NUFIP1: variants seen among roughly 807,000 people sequenced by gnomAD.
NUFIP1 encodes FMR1-interacting protein NUFIP1.
A neutral mutation model predicts 56.2 loss-of-function variants in NUFIP1; 38 were observed. The observed-to-expected ratio is 0.68, with a 90% confidence interval of 0.52 to 0.89. The LOEUF is 0.89. NUFIP1 is among the 40% of genes least tolerant of loss of function. The pLI is 0.00. For synonymous variants in NUFIP1, 215 were observed against 212.4 expected (o/e 1.01, Z -0.10); for missense variants, 567 against 605.8 (o/e 0.94, Z 0.67).
chr13:44,984,514 T>C lies in NUFIP1; in HGVS notation c.413-2360A>G, dbSNP rs60656197. On this transcript the variant is annotated intron_variant, in intron 1 of 9. Coordinates refer to ENST00000379161, the MANE Select transcript of NUFIP1 (RefSeq NM_012345.3). ...AAAATTAGCCAGGTGTGGTAGTGCG[T>C]GCCTGTAGTCCCAGCTACTCAGGAG... 8.0e-3 allele frequency among the ~76,000 whole-genome samples: 1,213 copies of C among 152,180 alleles called. 15 individuals are homozygous for C. The highest frequency in any genetic ancestry group is 0.028 in the African/African-American group (1,145 of 41,506).
At chr13:44,945,837 A>T (rs1405783703) in intron 8 of NUFIP1, among the ~76,000 whole-genome samples, 1 of 152,140 alleles carries the variant, frequency 6.6e-6, no homozygotes, top group Non-Finnish European at 1.5e-5. Flanking sequence ...ATTCTATTCT[A>T]GAAGTTGGGA....
At chr13:44,980,956 T>G (rs1872168579) in intron 2 of NUFIP1, 136 bp from the exon 3 acceptor site, 1 of 565,644 alleles carries the variant, frequency 1.8e-6, no homozygotes, top group Non-Finnish European at 3.1e-6. Flanking sequence ...CTTGTGAGTA[T>G]ATTTCCAATG....
At chr13:44,964,169 C>T (rs1871516433) in intron 6 of NUFIP1, among the ~76,000 whole-genome samples, 3 of 152,156 alleles carry the variant, frequency 2.0e-5, no homozygotes, top group African/African-American at 7.2e-5. Context: ...TTATGATCTC[C>T]AAGTAAGCAA....
chr13:44,971,635 G>A (rs1173298284), intron 5 of NUFIP1, among the ~76,000 whole-genome samples: 1 of 152,076 alleles, frequency 6.6e-6, no homozygotes, highest in African/African-American at 2.4e-5. Context: ...TGCCACTGAA[G>A]GTGGTCAAGC....
At chr13:44,983,396 C>T (rs544547831) in intron 1 of NUFIP1, among the ~76,000 whole-genome samples, 1 of 151,964 alleles carries the variant, frequency 6.6e-6, no homozygotes, top group Non-Finnish European at 1.5e-5. Context: ...AGGCTGGTCT[C>T]GAACTCCTGA....
intron 7 of NUFIP1, among the ~76,000 whole-genome samples, chr13:44,957,141 C>G (rs1023532834): frequency 1.3e-5 from 2 of 152,098 alleles, no homozygotes; most frequent in Non-Finnish European, 2.9e-5. Flanking sequence ...TAGGCATGTT[C>G]CCATCCTTGA....
At chr13:44,941,411 AAAG>A (rs1190985892) in intron 9 of NUFIP1, 89 bp from the exon 10 acceptor site, 1 of 701,892 alleles carries the variant, frequency 1.4e-6, no homozygotes, top group African/African-American at 1.8e-5. Context: ...CTCACCATAT[AAAG>A]AAGACAGAAC....
Position 44,941,331 on chromosome 13 carries a change from C to G in NUFIP1, c.1372-9G>C, listed in dbSNP as rs773510321. The G allele has an allele frequency of 1.3e-6, 2 of 1,547,206 alleles. No homozygotes were observed. On this transcript the variant is annotated splice_polypyrimidine_tract_variant and intron_variant, in intron 9 of 9. Transcript: ENST00000379161. Reference sequence around the variant, plus strand: ...ATGTCCGGAGCTAGAAGCTAAAACACAATTTAAAAAAAGATGAGGTAGTAA... The same window carrying G: ...ATGTCCGGAGCTAGAAGCTAAAACAGAATTTAAAAAAAGATGAGGTAGTAA...
intron 7 of NUFIP1, among the ~76,000 whole-genome samples, chr13:44,951,182 T>C (rs938768514): frequency 5.9e-5 from 9 of 152,204 alleles, no homozygotes; most frequent in African/African-American, 2.2e-4. Context: ...GAATTACTAG[T>C]AGATTAAGCA....
In NUFIP1 at chr13:44,979,966, A is replaced by C; in HGVS notation, c.595-14T>G. 1 of 1,577,180 alleles carries C rather than the reference A, an allele frequency of 6.3e-7. No individual in the cohort carries two copies. The highest frequency in any genetic ancestry group is 8.6e-7 in the Non-Finnish European group (1 of 1,163,068). ...TAATTCAGGGCACTATGAGTTTTTAAAAGAAAAAAAAAACTATTTAACAAA... is the reference window on the plus strand; with the variant it reads ...TAATTCAGGGCACTATGAGTTTTTACAAGAAAAAAAAAACTATTTAACAAA... On this transcript the variant is annotated splice_polypyrimidine_tract_variant and intron_variant, in intron 3 of 9. Coordinates refer to ENST00000379161, the MANE Select transcript of NUFIP1 (RefSeq NM_012345.3).
At chr13:44,977,604 G>A (rs1398376226) in intron 5 of NUFIP1, among the ~76,000 whole-genome samples, 2 of 152,216 alleles carry the variant, frequency 1.3e-5, no homozygotes, top group Non-Finnish European at 2.9e-5. Flanking sequence ...CGATAAGTAA[G>A]ATTTTGCCAA....
intron 6 of NUFIP1, among the ~76,000 whole-genome samples, chr13:44,960,035 G>A (rs942606999): frequency 4.6e-5 from 7 of 150,784 alleles, no homozygotes; most frequent in Non-Finnish European, 1.0e-4. Flanking sequence ...AGGTTCAAGC[G>A]ATTTTCCTGC....
chr13:44,968,187 A>G (rs1871676284), intron 5 of NUFIP1, among the ~76,000 whole-genome samples: 2 of 152,204 alleles, frequency 1.3e-5, no homozygotes, highest in African/African-American at 4.8e-5. Context: ...ACTATAAATA[A>G]ACATAAAAGG....
At chr13:44,984,800 C>A (rs1872324968) in intron 1 of NUFIP1, among the ~76,000 whole-genome samples, 1 of 151,978 alleles carries the variant, frequency 6.6e-6, no homozygotes, top group Non-Finnish European at 1.5e-5. Flanking sequence ...TACTGGTGTG[C>A]TGCACCCATT....
At chr13:44,944,478 T>C in intron 8 of NUFIP1, among the ~76,000 whole-genome samples, 1 of 152,074 alleles carries the variant, frequency 6.6e-6, no homozygotes. Flanking sequence ...AGAAGAGAAT[T>C]AGACAAATCC....
At chr13:44,963,461 G>A (rs1871493047) in intron 6 of NUFIP1, among the ~76,000 whole-genome samples, 1 of 152,136 alleles carries the variant, frequency 6.6e-6, no homozygotes, top group African/African-American at 2.4e-5. Flanking sequence ...CTAATCTTAG[G>A]GGAGGTGGGG....
chr13:44,985,424 A>T (rs1872348441), intron 1 of NUFIP1, among the ~76,000 whole-genome samples: 2 of 152,178 alleles, frequency 1.3e-5, no homozygotes, highest in African/African-American at 4.8e-5. Context: ...AAGGTATAAA[A>T]GCACATCTCA....
At chr13:44,948,634 T>C (rs1274053754) in intron 8 of NUFIP1, among the ~76,000 whole-genome samples, 1 of 152,150 alleles carries the variant, frequency 6.6e-6, no homozygotes, top group African/African-American at 2.4e-5. Flanking sequence ...AACATAGATT[T>C]ATTCATTAAA....
At position 44,949,899 on chromosome 13, in the gene NUFIP1, C is replaced by G. The variant is rs1871033745; in HGVS notation, c.1022-61G>C. 14 of 989,862 alleles carry G rather than the reference C, an allele frequency of 1.4e-5. No homozygotes were observed. In the South Asian group the frequency reaches 1.8e-4, roughly 13 times the overall value. 61.3% of individuals were successfully genotyped at this position (989,862 alleles called of 1,614,324 possible). On this transcript the variant is annotated intron_variant, in intron 7 of 9. Transcript: ENST00000379161. ...CACCATAAAAAAGCTGTCCATCCCC[C>G]ATTCCCTCATTTGTTAGTGAAAATT... is the stretch of plus-strand genomic sequence containing the variant.
Sources: gnomAD v4.1 joint callset for allele counts (sites outside exome capture counted in the v4.1 genomes callset) on GRCh38, gnomAD v4.1.1 for gene constraint, MANE v1.5 for transcripts, NCBI Gene and HGNC (gene_info 2026-07-23, HGNC 2026-07-21) for gene names.